FHIT: variants seen among roughly 807,000 people sequenced by gnomAD.
FHIT encodes bis(5'-adenosyl)-triphosphatase.
A neutral mutation model predicts 17.9 loss-of-function variants in FHIT; 19 were observed. The ratio of observed to expected loss-of-function variants is 1.06; its 90% CI spans 0.74 to 1.56. The LOEUF (loss-of-function observed/expected upper bound fraction) is 1.56, where lower values mean the gene tolerates loss of function less well. Among genes scored for constraint, FHIT ranks in the 40% most tolerant of loss-of-function variants. The pLI is 0.00. For missense variants in FHIT, 248 were observed against 189.2 expected (o/e 1.31, Z -1.82); for synonymous variants, 81 against 69.7 (o/e 1.16, Z -0.81).
At chr3:61,053,252 C>A (rs2034092309) in intron 2 of FHIT, among the ~76,000 whole-genome samples, 1 of 151,988 alleles carries the variant, frequency 6.6e-6, no homozygotes, top group South Asian at 2.1e-4. Flanking sequence ...TTGAGAAGTT[C>A]TCAGGTAAAT....
intron 8 of FHIT, among the ~76,000 whole-genome samples, chr3:59,846,438 T>C (rs1270565815): frequency 2.6e-5 from 4 of 152,152 alleles, no homozygotes; most frequent in South Asian, 2.1e-4. Context: ...TCTATATATC[T>C]TGACTTCCTC....
At chr3:60,145,773 C>T (rs1700215043) in intron 5 of FHIT, among the ~76,000 whole-genome samples, 1 of 152,146 alleles carries the variant, frequency 6.6e-6, no homozygotes, top group Non-Finnish European at 1.5e-5. Context: ...ACTATTAATT[C>T]TGTCTCAAAA....
chr3:60,815,605 AC>A lies in FHIT; in HGVS notation c.-18+6313del, dbSNP rs533385913. Among the ~76,000 whole-genome samples, 304 of 152,182 alleles carry A rather than the reference AC, an allele frequency of 2.0e-3. 2 individuals are homozygous for A. The highest frequency in any genetic ancestry group is 6.5e-3 in the African/African-American group (270 of 41,534). ...CCATTGGTTTCTGTGTCTGTCTTGT[AC>A]CAGTACTATACTGGTTTGGTTACTG... On this transcript the variant is annotated intron_variant, in intron 4 of 9. Transcript: ENST00000492590.
At chr3:59,877,243 C>T (rs1471341158) in intron 8 of FHIT, among the ~76,000 whole-genome samples, 2 of 145,640 alleles carry the variant, frequency 1.4e-5, no homozygotes, top group Non-Finnish European at 3.1e-5. Flanking sequence ...ATCATGATTT[C>T]TATAATGTGC....
intron 4 of FHIT, among the ~76,000 whole-genome samples, chr3:60,656,491 C>T (rs782583377): frequency 3.9e-5 from 6 of 152,064 alleles, no homozygotes; most frequent in Non-Finnish European, 5.9e-5. Flanking sequence ...ATTGGGGCAC[C>T]TCTACAGACT....
intron 4 of FHIT, among the ~76,000 whole-genome samples, chr3:60,630,928 G>T (rs75360250): frequency 0.012 from 1,508 of 123,318 alleles, 38 homozygotes; most frequent in African/African-American, 0.044. Flanking sequence ...CTTCTTCCCA[G>T]GTCATTAAAA....
At chr3:60,984,567 A>G (rs983125262) in intron 3 of FHIT, among the ~76,000 whole-genome samples, 1 of 152,216 alleles carries the variant, frequency 6.6e-6, no homozygotes, top group Non-Finnish European at 1.5e-5. Context: ...GTGATCTAAC[A>G]TAGGCAGAGA....
chr3:60,631,642 ACTGT>A (rs372726047), intron 4 of FHIT, among the ~76,000 whole-genome samples: 2 of 152,170 alleles, frequency 1.3e-5, no homozygotes, highest in Non-Finnish European at 2.9e-5. Context: ...CTCCGGAGGC[ACTGT>A]CTAATTCAGA....
intron 4 of FHIT, among the ~76,000 whole-genome samples, chr3:60,783,488 T>A (rs191213342): frequency 1.2e-4 from 18 of 152,326 alleles, no homozygotes; most frequent in Non-Finnish European, 2.4e-4. Flanking sequence ...GCCAAGGTTT[T>A]CTTAAATAGT....
chr3:59,926,391 C>T (rs912749785), intron 7 of FHIT, among the ~76,000 whole-genome samples: 2 of 152,002 alleles, frequency 1.3e-5, no homozygotes, highest in Non-Finnish European at 2.9e-5. Flanking sequence ...AGCCTCTGTC[C>T]CCATAGAGCT....
intron 1 of FHIT, among the ~76,000 whole-genome samples, chr3:61,210,853 G>C (rs2039442593): frequency 6.6e-6 from 1 of 151,854 alleles, no homozygotes; most frequent in Non-Finnish European, 1.5e-5. Flanking sequence ...GATGAACCTG[G>C]TACCTCAGTT....
At chr3:60,360,856 T>C (rs1438777035) in intron 5 of FHIT, among the ~76,000 whole-genome samples, 1 of 152,194 alleles carries the variant, frequency 6.6e-6, no homozygotes, top group Non-Finnish European at 1.5e-5. Flanking sequence ...AAAACAAATG[T>C]CTGCTCAAGT....
At chr3:60,612,553 G>C (rs560568216) in intron 4 of FHIT, among the ~76,000 whole-genome samples, 10 of 152,174 alleles carry the variant, frequency 6.6e-5, no homozygotes, top group African/African-American at 2.4e-4. Flanking sequence ...AGGGGAAAAG[G>C]TATATCTATT....
chr3:60,837,879 A>G (rs6766677), intron 3 of FHIT, among the ~76,000 whole-genome samples: 2,261 of 152,214 alleles, frequency 0.015, 58 homozygotes, highest in African/African-American at 0.052. Flanking sequence ...TAGAAACCCT[A>G]TCTCCGCACT....
intron 3 of FHIT, among the ~76,000 whole-genome samples, chr3:60,900,902 C>T (rs1418988423): frequency 6.6e-6 from 1 of 152,128 alleles, no homozygotes; most frequent in African/African-American, 2.4e-5. Context: ...CTCAGCCTTC[C>T]AAGTAGCTGG....
intron 7 of FHIT, among the ~76,000 whole-genome samples, chr3:59,985,794 G>C (rs1480009695): frequency 6.6e-6 from 1 of 152,102 alleles, no homozygotes; most frequent in East Asian, 1.9e-4. Flanking sequence ...TTCACACTGA[G>C]CCTAGGCTGA....
intron 3 of FHIT, among the ~76,000 whole-genome samples, chr3:61,011,291 G>C (rs1181743008): frequency 6.6e-6 from 1 of 152,102 alleles, no homozygotes; most frequent in African/African-American, 2.4e-5. Context: ...AAAAGACATA[G>C]ATTCCAAAGA....
rs1303332185 is a variant in FHIT, at chr3:60,860,501, A to T, written c.-110-38490T>A. 1.2e-3 allele frequency among the ~76,000 whole-genome samples: 117 copies of T among 94,822 alleles called. 1 individual carries two copies. The highest frequency in any genetic ancestry group is 3.3e-3 in the African/African-American group (79 of 24,230). The allele number at this position is 94,822 out of a possible 152,430, so 62.2% of individuals were successfully genotyped here. ...ATGATACATATGTATCATATATATC[A>T]GGTATATATGATACATATGTATCAT... On this transcript the variant is annotated intron_variant, in intron 3 of 9. Coordinates refer to ENST00000492590, the MANE Select transcript of FHIT (RefSeq NM_002012.4).
At chr3:59,994,827 C>A (rs1699438130) in intron 7 of FHIT, among the ~76,000 whole-genome samples, 1 of 152,078 alleles carries the variant, frequency 6.6e-6, no homozygotes, top group African/African-American at 2.4e-5. Context: ...ACGTGACATG[C>A]AATTTTTAAG....
Sources: gnomAD v4.1 joint callset for allele counts (sites outside exome capture counted in the v4.1 genomes callset) on GRCh38, gnomAD v4.1.1 for gene constraint, MANE v1.5 for transcripts, NCBI Gene and HGNC (gene_info 2026-07-23, HGNC 2026-07-21) for gene names.